Variants in TRIM9 observed in about 807,000 individuals in gnomAD.
The protein encoded by TRIM9 is E3 ubiquitin-protein ligase TRIM9.
Under a neutral mutation model 78.3 loss-of-function variants are expected in TRIM9, and 26 were observed. That is an observed-to-expected ratio of 0.33 (90% confidence interval 0.24 to 0.46). The LOEUF (loss-of-function observed/expected upper bound fraction) is 0.46, where lower values mean the gene tolerates loss of function less well. TRIM9 is among the 20% of genes least tolerant of loss of function. TRIM9 has a pLI of 1.00. For synonymous variants in TRIM9, 398 were observed against 416.5 expected (o/e 0.96, Z 0.54); for missense variants, 787 against 1,036.4 (o/e 0.76, Z 3.30).
At chr14:50,987,674 G>C (rs867827612) in intron 7 of TRIM9, among the ~76,000 whole-genome samples, 2 of 152,130 alleles carry the variant, frequency 1.3e-5, no homozygotes, top group South Asian at 4.1e-4. Flanking sequence ...ATTAGCCTTT[G>C]AGTGTAATAG....
intron 8 of TRIM9, among the ~76,000 whole-genome samples, chr14:50,985,415 T>G (rs2052570329): frequency 1.3e-5 from 2 of 152,200 alleles, no homozygotes; most frequent in Non-Finnish European, 2.9e-5. Flanking sequence ...TGCTTTCACT[T>G]TCTGCTCTCT....
chr14:51,013,926 T>A (rs1211875124), intron 3 of TRIM9, among the ~76,000 whole-genome samples: 1 of 152,196 alleles, frequency 6.6e-6, no homozygotes, highest in East Asian at 1.9e-4. Flanking sequence ...CAGGATGACA[T>A]TTTTATATTT....
chr14:50,984,575 G>A (rs2052445870), intron 8 of TRIM9, among the ~76,000 whole-genome samples: 1 of 152,112 alleles, frequency 6.6e-6, no homozygotes, highest in South Asian at 2.1e-4. Flanking sequence ...TTTTAAAACC[G>A]ACTCTCATAT....
At chr14:50,987,607 T>C (rs2052885858) in intron 7 of TRIM9, among the ~76,000 whole-genome samples, 1 of 152,180 alleles carries the variant, frequency 6.6e-6, no homozygotes, top group African/African-American at 2.4e-5. Flanking sequence ...GTATTATCAT[T>C]TCTTTCTTCA....
chr14:51,023,491 GA>G (rs1181823869), intron 2 of TRIM9, among the ~76,000 whole-genome samples: 1 of 152,070 alleles, frequency 6.6e-6, no homozygotes, highest in Non-Finnish European at 1.5e-5. Context: ...ATAGTAGGCA[GA>G]AAAAAACAAT....
intron 2 of TRIM9, among the ~76,000 whole-genome samples, chr14:51,023,863 T>C (rs1378262887): frequency 6.6e-6 from 1 of 152,246 alleles, no homozygotes; most frequent in African/African-American, 2.4e-5. Context: ...CTGTAAACTT[T>C]TGGGGCTGGC....
intron 7 of TRIM9, chr14:50,997,802 G>T: frequency 7.3e-7 from 1 of 1,374,298 alleles, no homozygotes; most frequent in Non-Finnish European, 9.4e-7. Context: ...AGCTTATTTA[G>T]ATTGTTATCA....
intron 1 of TRIM9, among the ~76,000 whole-genome samples, chr14:51,077,595 T>C (rs2062920710): frequency 1.3e-5 from 2 of 152,064 alleles, no homozygotes; most frequent in African/African-American, 4.8e-5. Flanking sequence ...GGTTTCGCCA[T>C]GTTGACCAGG....
intron 5 of TRIM9, among the ~76,000 whole-genome samples, chr14:51,001,207 G>A (rs1214981483): frequency 1.3e-5 from 2 of 151,508 alleles, no homozygotes; most frequent in East Asian, 1.9e-4. Context: ...AACTTATAAC[G>A]TGCCTGAAGC....
rs1334999973 is a variant in TRIM9, at chr14:51,000,725, T to C, written c.1422A>G (p.Gly474=). ...QPPLSTVPAD[G]YILELDDGNG... is the part of the protein sequence containing the mutation. ...TGCCATCATCCAGCTCCAGAATGTA[T>C]CCATCGGCGGGCACCGTGGACAGAG... is the stretch of plus-strand genomic sequence containing the variant. The change falls in exon 6 of 13, where the codon GGA becomes GGG. Residue 474 remains glycine, a synonymous_variant. Transcript: ENST00000684578. 17 of 1,614,056 alleles carry C rather than the reference T, an allele frequency of 1.1e-5. No individual in the cohort carries two copies. The Admixed American group carries it at 1.2e-4, about 11-fold the overall frequency.
At position 51,070,516 on chromosome 14, in the gene TRIM9, ATT is replaced by A. The variant is rs199920531; in HGVS notation, c.822+23600_822+23601del. Among the ~76,000 whole-genome samples, 13 of 144,232 alleles carry A rather than the reference ATT, an allele frequency of 9.0e-5. No homozygotes were observed. In the South Asian group the frequency reaches 1.1e-3, roughly 12 times the overall value. 94.6% of individuals were successfully genotyped at this position (144,232 alleles called of 152,430 possible). ...CTGGGACTGACTGGAAGTGTTTCAG[ATT>A]TTTTTTTTTTTTTGGATTTTGGAAT... is the stretch of plus-strand genomic sequence containing the variant. On this transcript the variant is annotated intron_variant, in intron 1 of 12. Coordinates refer to ENST00000684578, the MANE Select transcript of TRIM9 (RefSeq NM_001387360.1).
chr14:51,057,886 C>G (rs966529722), intron 1 of TRIM9, among the ~76,000 whole-genome samples: 1 of 152,198 alleles, frequency 6.6e-6, no homozygotes, highest in East Asian at 1.9e-4. Context: ...AGTCTGTACA[C>G]AAGTTTATCC....
Position 50,976,476 on chromosome 14 carries a change from C to A in TRIM9, c.*815G>T, listed in dbSNP as rs1209902867. 6.6e-6 allele frequency: 1 copy of A among 152,240 alleles called. No individual in the cohort carries two copies. Among genetic ancestry groups the A allele is most frequent in the Non-Finnish European group, 1.5e-5 (1 of 68,042 alleles). The allele number at this position is 152,240 out of a possible 1,614,324, so 9.4% of individuals were successfully genotyped here. A position where few individuals can be genotyped will look rare whatever the true frequency, so the allele number is the denominator to read the frequency against. On this transcript the variant is annotated 3_prime_UTR_variant, in exon 13 of 13. Coordinates refer to ENST00000684578, the MANE Select transcript of TRIM9 (RefSeq NM_001387360.1). ...GCCTGTCTGTTCACCACTGTGTCCC[C>A]ACAGTGTCTAGAACATAATGTTCTA...
In TRIM9 at chr14:50,983,509, A is replaced by G. The variant is rs924823192; in HGVS notation, c.1793-88T>C. 73 of 992,330 alleles carry G rather than the reference A, an allele frequency of 7.4e-5. No homozygotes were observed. The African/African-American group carries it at 8.8e-4, about 12-fold the overall frequency. The allele number at this position is 992,330 out of a possible 1,614,324, so 61.5% of individuals were successfully genotyped here. ...TATACGCTTAAAAAGCACCAGTTGA[A>G]TATAGATACCAGAGGCCTGATCCAT... On this transcript the variant is annotated intron_variant, in intron 8 of 12. Transcript: ENST00000684578.
At chr14:50,984,196 T>C (rs2052396343) in intron 8 of TRIM9, among the ~76,000 whole-genome samples, 3 of 152,238 alleles carry the variant, frequency 2.0e-5, no homozygotes, top group Admixed American at 2.0e-4. Context: ...TTTCAAGGAC[T>C]GATCTAGAAA....
Position 50,983,431 on chromosome 14 carries a change from G to C in TRIM9, c.1793-10C>G, listed in dbSNP as rs1319411307. Reference sequence around the variant, plus strand: ...GTCTCAAAATTGCATCCTATAAAGAGATACTACACATCAACGCTATGAAAC... The same window carrying C: ...GTCTCAAAATTGCATCCTATAAAGACATACTACACATCAACGCTATGAAAC... On this transcript the variant is annotated splice_polypyrimidine_tract_variant and intron_variant, in intron 8 of 12. Coordinates refer to ENST00000684578, the MANE Select transcript of TRIM9 (RefSeq NM_001387360.1). The C allele has an allele frequency of 6.5e-7, 1 of 1,536,516 alleles. No individual in the cohort carries two copies. Among genetic ancestry groups the C allele is most frequent in the Non-Finnish European group, 8.8e-7 (1 of 1,139,070 alleles).
At chr14:51,046,481 C>G (rs1596258735) in intron 1 of TRIM9, among the ~76,000 whole-genome samples, 1 of 152,186 alleles carries the variant, frequency 6.6e-6, no homozygotes, top group African/African-American at 2.4e-5. Context: ...GAAGGGATTT[C>G]TGTACATTAA....
intron 1 of TRIM9, among the ~76,000 whole-genome samples, chr14:51,055,019 T>C (rs2060785776): frequency 6.7e-6 from 1 of 148,810 alleles, no homozygotes; most frequent in Middle Eastern, 3.5e-3. Context: ...CAGAGACAGG[T>C]TTCACCATGT....
intron 1 of TRIM9, among the ~76,000 whole-genome samples, chr14:51,075,488 A>G (rs1321188947): frequency 2.0e-5 from 3 of 152,202 alleles, no homozygotes; most frequent in African/African-American, 7.2e-5. Context: ...TATTAAAAAT[A>G]TCTCTAGGAC....
Sources: gnomAD v4.1 joint callset for allele counts (sites outside exome capture counted in the v4.1 genomes callset) on GRCh38, gnomAD v4.1.1 for gene constraint, MANE v1.5 for transcripts, NCBI Gene and HGNC (gene_info 2026-07-23, HGNC 2026-07-21) for gene names.